SPATA16: variants seen among roughly 807,000 people sequenced by gnomAD.
The protein encoded by SPATA16 is spermatogenesis-associated protein 16.
In SPATA16, 36 loss-of-function variants were observed where a neutral mutation model predicts 63.3. That is an observed-to-expected ratio of 0.57 (90% confidence interval 0.44 to 0.75). The LOEUF (loss-of-function observed/expected upper bound fraction) is 0.75, where lower values mean the gene tolerates loss of function less well. Ranked by LOEUF, SPATA16 falls within the 30% of genes least tolerant of loss-of-function variation. SPATA16 has a pLI of 0.00. For missense variants in SPATA16, 646 were observed against 679.3 expected, an observed-to-expected ratio of 0.95 and a Z score of 0.54; for synonymous variants, 203 against 216.7, an observed-to-expected ratio of 0.94 and a Z score of 0.56.
At position 173,139,047 on chromosome 3, in the gene SPATA16, C is replaced by A. The variant is rs905382687; in HGVS notation, c.-19+2056G>T. Among the ~76,000 whole-genome samples, 53 of 152,102 alleles carry A rather than the reference C, an allele frequency of 3.5e-4. 1 individual carries two copies. Among genetic ancestry groups the A allele is most frequent in the Admixed American group, 1.3e-4 (2 of 15,266 alleles). On this transcript the variant is annotated intron_variant, in intron 1 of 10. Coordinates refer to ENST00000351008, the MANE Select transcript of SPATA16 (RefSeq NM_031955.6). ...TTTGGAATTCTGATATCAGTCATAG[C>A]CATTGGGTTCTGTTTTCTTATTCGC...
chr3:172,898,035 T>C (rs1404385928), intron 10 of SPATA16, among the ~76,000 whole-genome samples: 1 of 152,074 alleles, frequency 6.6e-6, no homozygotes, highest in Admixed American at 6.5e-5. Context: ...TCTTCTGTAA[T>C]CTGTTTATAT....
intron 10 of SPATA16, among the ~76,000 whole-genome samples, chr3:172,910,068 C>T (rs1330528403): frequency 6.7e-6 from 1 of 149,436 alleles, no homozygotes; most frequent in Non-Finnish European, 1.5e-5. Context: ...AGAGGTAATG[C>T]TCTACACCAG....
chr3:172,948,173 C>T (rs946869270), intron 6 of SPATA16, among the ~76,000 whole-genome samples: 12 of 151,826 alleles, frequency 7.9e-5, no homozygotes, highest in African/African-American at 2.9e-4. Flanking sequence ...AAGACTACCT[C>T]AAGGCATTTA....
Position 172,951,496 on chromosome 3 carries a change from T to G in SPATA16, c.1081+5181A>C, listed in dbSNP as rs6767815. ...AATGCGATTGGCTTATTTGATAATT[T>G]AAAAAAAAAAAAATTTAAACCTAAA... On this transcript the variant is annotated intron_variant, in intron 6 of 10. Transcript: ENST00000351008. Among the ~76,000 whole-genome samples the G allele has an allele frequency of 1.3e-4, 20 of 148,518 alleles. 1 individual carries two copies. The South Asian group carries it at 3.1e-3, about 23-fold the overall frequency.
At chr3:172,952,286 A>G (rs1334904361) in intron 6 of SPATA16, among the ~76,000 whole-genome samples, 1 of 152,176 alleles carries the variant, frequency 6.6e-6, no homozygotes, top group Non-Finnish European at 1.5e-5. Context: ...ACTTGTTATG[A>G]TGTAGGACAG....
chr3:173,074,333 G>C (rs1162933198), intron 2 of SPATA16, among the ~76,000 whole-genome samples: 3 of 152,118 alleles, frequency 2.0e-5, no homozygotes, highest in East Asian at 1.9e-4. Flanking sequence ...TGGTTTGGCT[G>C]TGTCCCCATC....
chr3:172,927,084 C>T (rs1732755209), intron 6 of SPATA16, among the ~76,000 whole-genome samples: 1 of 152,008 alleles, frequency 6.6e-6, no homozygotes, highest in South Asian at 2.1e-4. Context: ...TAACACCATT[C>T]CCCTTTTTAA....
chr3:173,134,969 A>T (rs928774327), intron 1 of SPATA16, among the ~76,000 whole-genome samples: 1 of 152,178 alleles, frequency 6.6e-6, no homozygotes, highest in African/African-American at 2.4e-5. Context: ...AAAAAATTGG[A>T]TTATATTATA....
intron 4 of SPATA16, among the ~76,000 whole-genome samples, chr3:173,016,460 T>G (rs1038025991): frequency 3.3e-5 from 5 of 152,248 alleles, no homozygotes; most frequent in African/African-American, 1.2e-4. Context: ...TTCCAGGGAC[T>G]GGTTATATAT....
At chr3:173,055,964 A>T (rs1252838724) in intron 2 of SPATA16, among the ~76,000 whole-genome samples, 5 of 152,178 alleles carry the variant, frequency 3.3e-5, no homozygotes, top group African/African-American at 9.7e-5. Context: ...TCCTTCCTTT[A>T]TTTTATTCAG....
intron 3 of SPATA16, among the ~76,000 whole-genome samples, chr3:173,042,723 T>A: frequency 6.6e-6 from 1 of 152,188 alleles, no homozygotes; most frequent in East Asian, 1.9e-4. Flanking sequence ...TCAAAGCTAG[T>A]AACTGATAAA....
chr3:173,122,197 A>G (rs1209176423), intron 1 of SPATA16, among the ~76,000 whole-genome samples: 1 of 152,192 alleles, frequency 6.6e-6, no homozygotes, highest in Non-Finnish European at 1.5e-5. Flanking sequence ...TTTAACAAAT[A>G]CAAGTACAAG....
At chr3:172,996,931 C>A (rs1362210395) in intron 4 of SPATA16, among the ~76,000 whole-genome samples, 1 of 152,082 alleles carries the variant, frequency 6.6e-6, no homozygotes, top group Non-Finnish European at 1.5e-5. Context: ...TAGTAATATG[C>A]AGATGAGTTA....
At chr3:172,984,164 G>A (rs1734387366) in intron 4 of SPATA16, among the ~76,000 whole-genome samples, 1 of 152,076 alleles carries the variant, frequency 6.6e-6, no homozygotes, top group African/African-American at 2.4e-5. Context: ...GGGTACACAA[G>A]CACATTTCAG....
chr3:173,071,038 G>A (rs6764894), intron 2 of SPATA16, among the ~76,000 whole-genome samples: 63,253 of 151,976 alleles, frequency 0.42, 14,626 homozygotes, highest in African/African-American at 0.63. Flanking sequence ...AGCTGGAGAC[G>A]CCATATTGCC....
At chr3:173,139,465 T>C (rs1738639338) in intron 1 of SPATA16, among the ~76,000 whole-genome samples, 1 of 152,206 alleles carries the variant, frequency 6.6e-6, no homozygotes, top group Admixed American at 6.5e-5. Context: ...ACTCAACATA[T>C]TCTACACTAG....
intron 1 of SPATA16, among the ~76,000 whole-genome samples, chr3:173,136,720 T>C (rs1738554978): frequency 6.6e-6 from 1 of 152,130 alleles, no homozygotes; most frequent in South Asian, 2.1e-4. Context: ...AGTTGTTTGT[T>C]ATATTAATTG....
intron 1 of SPATA16, among the ~76,000 whole-genome samples, chr3:173,118,231 G>A (rs996915544): frequency 2.6e-5 from 4 of 152,118 alleles, no homozygotes; most frequent in African/African-American, 9.7e-5. Flanking sequence ...CCAAAAATGT[G>A]AGCACAATCT....
intron 2 of SPATA16, among the ~76,000 whole-genome samples, chr3:173,109,783 C>T (rs541849432): frequency 7.4e-4 from 112 of 152,154 alleles, no homozygotes; most frequent in African/African-American, 2.6e-3. Flanking sequence ...CAAGCAAGAC[C>T]CAATTCCTTG....
Sources: gnomAD v4.1 joint callset for allele counts (sites outside exome capture counted in the v4.1 genomes callset) on GRCh38, gnomAD v4.1.1 for gene constraint, MANE v1.5 for transcripts, NCBI Gene and HGNC (gene_info 2026-07-23, HGNC 2026-07-21) for gene names.